CEP72: variants seen among roughly 807,000 people sequenced by gnomAD.
CEP72 encodes the protein centrosomal protein 72, also known as centrosomal protein of 72 kDa.
CEP72 carries 78 observed loss-of-function variants against 65.7 expected under a neutral mutation model. The ratio of observed to expected loss-of-function variants is 1.19; its 90% CI spans 0.99 to 1.43. CEP72 has a LOEUF of 1.43. CEP72 is among the 40% of genes most tolerant of loss of function. The pLI is 0.00. For missense variants in CEP72, 914 were observed against 832.9 expected, an observed-to-expected ratio of 1.10 and a Z score of -1.20; for synonymous variants, 358 against 351.7, an observed-to-expected ratio of 1.02 and a Z score of -0.20.
intron 9 of CEP72, 118 bp downstream of exon 9, chr5:640,722 C>G (rs1321846672): frequency 3.5e-6 from 5 of 1,446,630 alleles, no homozygotes; most frequent in Non-Finnish European, 4.5e-6. Flanking sequence ...TCTCTGCAGC[C>G]CCATGTCTCC....
In CEP72 at chr5:635,435, G is replaced by A. The variant is rs1222155527; in HGVS notation, c.755G>A (p.Gly252Asp). 3 of 1,614,064 alleles carry A rather than the reference G, an allele frequency of 1.9e-6. No individual in the cohort carries two copies. Among genetic ancestry groups the A allele is most frequent in the East Asian group, 2.2e-5 (1 of 44,896 alleles). Reference protein sequence around the residue: ...QYQCGDSGKQGRETRRSSCRG... With the variant: ...QYQCGDSGKQDRETRRSSCRG... Reference sequence around the variant, plus strand: ...CAGTGTGGGGACTCTGGGAAGCAGGGCCGTGAGACGAGGAGGAGCAGCTGC... The same window carrying A: ...CAGTGTGGGGACTCTGGGAAGCAGGACCGTGAGACGAGGAGGAGCAGCTGC... The change falls in exon 6 of 12, where the codon GGC (glycine) becomes GAC (aspartate). Residue 252 changes from glycine (G) to aspartate (D), a missense_variant. Gly to Asp is a moderately conservative substitution (Grantham distance 94, BLOSUM62 -1). Coordinates refer to ENST00000264935, the MANE Select transcript of CEP72 (RefSeq NM_018140.4).
intron 4 of CEP72, among the ~76,000 whole-genome samples, chr5:629,527 T>C (rs1192054734): frequency 1.2e-4 from 14 of 112,320 alleles, no homozygotes; most frequent in African/African-American, 3.8e-4. Context: ...TTCTGTCCAG[T>C]GCCGGGATTT....
chr5:653,190 T>G lies in CEP72; in HGVS notation c.*37T>G. 3.9e-6 allele frequency: 6 copies of G among 1,543,722 alleles called. No individual in the cohort carries two copies. The highest frequency in any genetic ancestry group is 5.2e-6 in the Non-Finnish European group (6 of 1,149,764). ...AAGCTGGGCCACCCCTTAAGCTTCC[T>G]GGTAAAGTTACATTGTCTGCACCTT... On this transcript the variant is annotated 3_prime_UTR_variant, in exon 12 of 12. Transcript: ENST00000264935.
intron 4 of CEP72, among the ~76,000 whole-genome samples, chr5:625,549 G>A (rs1009681936): frequency 2.0e-5 from 3 of 152,208 alleles, no homozygotes; most frequent in Admixed American, 1.3e-4. Context: ...GCAGGGGCCC[G>A]ATTTGAGCCG....
exon 5 of CEP72, chr5:667,073 TA>T (rs11291060): frequency 0.092 from 13,929 of 152,202 alleles, 2,263 homozygotes; most frequent in African/African-American, 0.32. Flanking sequence ...AAATGACCCA[TA>T]AAACCCCAGC....
At chr5:649,609 G>GACTGAGGCGT (rs1738790135) in intron 11 of CEP72, among the ~76,000 whole-genome samples, 1 of 12,238 alleles carries the variant, frequency 8.2e-5, no homozygotes, top group African/African-American at 2.4e-4. Context: ...TGTGAGGCGT[G>GACTGAGGCGT]GACTGTGAGG....
chr5:647,650 G>A (rs377758261), intron 10 of CEP72, among the ~76,000 whole-genome samples, 155 bp from the exon 11 acceptor site: 1 of 152,180 alleles, frequency 6.6e-6, no homozygotes, highest in East Asian at 1.9e-4. Context: ...ATTCATGCTC[G>A]CCCTGTCTTT....
At chr5:638,168 C>T (rs919696609) in intron 7 of CEP72, among the ~76,000 whole-genome samples, 7 of 152,214 alleles carry the variant, frequency 4.6e-5, no homozygotes, top group Non-Finnish European at 8.8e-5. Context: ...GTGGAAGCCC[C>T]GTGGTGGAGA....
intron 1 of CEP72, among the ~76,000 whole-genome samples, chr5:614,249 T>G (rs1463531398): frequency 6.6e-6 from 1 of 152,174 alleles, no homozygotes; most frequent in Non-Finnish European, 1.5e-5. Context: ...TATTTTATAC[T>G]TTTCTAAATC....
chr5:656,096 T>G (rs1739369545), downstream of CEP72, among the ~76,000 whole-genome samples: 2 of 152,214 alleles, frequency 1.3e-5, no homozygotes, highest in Admixed American at 1.3e-4. Flanking sequence ...TTGCGCCTGT[T>G]GTGAAGCTTA....
chr5:612,747 G>C (rs1048077026), intron 1 of CEP72: 5 of 624,302 alleles, frequency 8.0e-6, no homozygotes, highest in African/African-American at 2.0e-5. Context: ...TGCTGTCCAG[G>C]AGCGCAGCCC....
chr5:637,715 G>A lies in CEP72; in HGVS notation c.1103G>A (p.Ser368Asn), dbSNP rs546473646. 6.2e-7 allele frequency: 1 copy of A among 1,613,712 alleles called. No individual in the cohort carries two copies. Among genetic ancestry groups the A allele is most frequent in the East Asian group, 2.2e-5 (1 of 44,890 alleles). ...HGSSVPKESL[S>N]RQDSSESRNG... Reference sequence around the variant, plus strand: ...TCCTCCGTGCCCAAGGAGAGCCTGAGCAGACAGGACAGCTCAGAAAGCAGG... The same window carrying A: ...TCCTCCGTGCCCAAGGAGAGCCTGAACAGACAGGACAGCTCAGAAAGCAGG... The change falls in exon 7 of 12, where the codon AGC (serine) becomes AAC (asparagine). Residue 368 changes from serine to asparagine, a missense_variant. Transcript: ENST00000264935.
intron 11 of CEP72, among the ~76,000 whole-genome samples, chr5:650,197 G>A (rs550000575): frequency 1.5e-5 from 2 of 134,186 alleles, no homozygotes; most frequent in South Asian, 2.4e-4. Flanking sequence ...GTGACTGTGA[G>A]GCGTGGACTG....
chr5:669,726 C>CTCCCCGAGTGTCTCGCGT (rs1740132146), downstream of CEP72, among the ~76,000 whole-genome samples: 1 of 151,766 alleles, frequency 6.6e-6, no homozygotes, highest in Non-Finnish European at 1.5e-5. Flanking sequence ...GCTCTGCGCG[C>CTCCCCGAGTGTCTCGCGT]TCCCCGAGTG....
the CEP72 span, among the ~76,000 whole-genome samples, chr5:674,354 G>C: frequency 6.6e-6 from 1 of 152,186 alleles, no homozygotes; most frequent in African/African-American, 2.4e-5. Flanking sequence ...GCACTGGGGG[G>C]CACAGGGGCC....
At chr5:634,777 A>G (rs1006531499) in intron 5 of CEP72, among the ~76,000 whole-genome samples, 6 of 152,118 alleles carry the variant, frequency 3.9e-5, no homozygotes, top group African/African-American at 1.4e-4. Flanking sequence ...CTCAGGCACA[A>G]GGGCTGCCCA....
Position 637,579 on chromosome 5 carries a change from C to T in CEP72, c.967C>T (p.Pro323Ser). Residue 323 changes from proline (P) to serine (S), a missense_variant, in exon 7 of 12, where the codon CCT (proline) becomes TCT (serine). By Grantham distance (74) the Pro-to-Ser change is moderately conservative (BLOSUM62 -1). Coordinates refer to ENST00000264935, the MANE Select transcript of CEP72 (RefSeq NM_018140.4). ...QKLDLSGEMVPGPLPAPGKCR... is the reference protein window; with the variant it reads ...QKLDLSGEMVSGPLPAPGKCR... ...GTTGGATTTGTCAGGAGAAATGGTG[C>T]CTGGTCCCCTGCCAGCCCCCGGAAA... The T allele has an allele frequency of 1.9e-6, 3 of 1,614,052 alleles. No individual in the cohort carries two copies. The highest frequency in any genetic ancestry group is 2.5e-6 in the Non-Finnish European group (3 of 1,180,036).
At chr5:641,187 C>T (rs765662705) in intron 9 of CEP72, 7 of 984,956 alleles carry the variant, frequency 7.1e-6, no homozygotes, top group Non-Finnish European at 7.2e-6. Flanking sequence ...GGGCTGGGGC[C>T]ACCGTCTCAT....
At position 637,395 on chromosome 5, in the gene CEP72, TGTGC is replaced by T. The variant is rs1372153193; in HGVS notation, c.905-118_905-115del. The T allele has an allele frequency of 2.0e-5, 16 of 788,170 alleles. No individual in the cohort carries two copies. In the African/African-American group the frequency reaches 2.4e-4, roughly 12 times the overall value. The allele number at this position is 788,170 out of a possible 1,614,324, so 48.8% of individuals were successfully genotyped here. ...ATAGGTGTGCGTGTACATATGTAAG[TGTGC>T]GTGTGTGTCCATGTGTGTATATACA... On this transcript the variant is annotated intron_variant, in intron 6 of 11. Coordinates refer to ENST00000264935, the MANE Select transcript of CEP72 (RefSeq NM_018140.4).
Sources: allele counts gnomAD v4.1 joint callset (sites outside exome capture counted in the v4.1 genomes callset), GRCh38; gene constraint gnomAD v4.1.1; transcripts MANE v1.5; gene names NCBI Gene and HGNC (gene_info 2026-07-23, HGNC 2026-07-21).